Variants in CCDC88A observed in about 807,000 individuals in gnomAD.
The protein encoded by CCDC88A is girdin.
Under a neutral mutation model 234.3 loss-of-function variants are expected in CCDC88A, and 54 were observed. The ratio of observed to expected loss-of-function variants is 0.23; its 90% CI spans 0.19 to 0.29. CCDC88A has a LOEUF of 0.29. CCDC88A is among the 10% of genes least tolerant of loss of function. The pLI is 1.00. For synonymous variants in CCDC88A, 753 were observed against 737.8 expected, an observed-to-expected ratio of 1.02 and a Z score of -0.33; for missense variants, 1,832 against 2,123.4, an observed-to-expected ratio of 0.86 and a Z score of 2.70.
At chr2:55,356,679 C>T (rs1479838228) in intron 7 of CCDC88A, 1 of 152,184 alleles carries the variant, frequency 6.6e-6, no homozygotes, top group Non-Finnish European at 1.5e-5. Flanking sequence ...CCTGTAATCC[C>T]AGCACTTAGG....
rs759137912 is a variant in CCDC88A at position 55,334,329 on chromosome 2, T to A, written c.2492A>T (p.Lys831Met). ...EQETSQLEKD[K>M]KQLEKENKRL... ...CTTATTTTCCTTCTCCAATTGTTTC[T>A]TATCCTTTTCCAGTTGAGAAGTCTC... is the stretch of plus-strand genomic sequence containing the variant. Residue 831 changes from lysine (K) to methionine (M), a missense_variant, in exon 15 of 33, where the codon AAG becomes ATG. Physicochemically the swap from Lys to Met is moderately conservative, Grantham distance 95. This residue lies in a region of CCDC88A where 1,282 missense variants were observed against 1,543.6 expected (regional missense o/e 0.83). Transcript: ENST00000436346. The surrounding 1 kb of genome is among the most constrained non-coding windows in gnomAD (Gnocchi z 6.1). 2.0e-6 allele frequency: 3 copies of A among 1,513,798 alleles called. No homozygotes were observed. The highest frequency in any genetic ancestry group is 2.6e-6 in the Non-Finnish European group (3 of 1,138,676). 93.8% of individuals were successfully genotyped at this position (1,513,798 alleles called of 1,614,324 possible). A position where few individuals can be genotyped will look rare whatever the true frequency, so the allele number is the denominator to read the frequency against.
At chr2:55,390,368 C>T (rs1187061868) in intron 2 of CCDC88A, among the ~76,000 whole-genome samples, 1 of 152,178 alleles carries the variant, frequency 6.6e-6, no homozygotes, top group East Asian at 1.9e-4. Context: ...CTGAGAACCA[C>T]TGCTTCAACT....
chr2:55,320,584 T>A (rs1292699099), intron 18 of CCDC88A, among the ~76,000 whole-genome samples: 10 of 152,172 alleles, frequency 6.6e-5, no homozygotes, highest in African/African-American at 2.2e-4. Context: ...AGCTCAATTT[T>A]CTAAAATGTA....
chr2:55,416,427 AATAAATAAATAAATAAATATATATAT>A lies in CCDC88A; in HGVS notation c.164+2363_164+2388del, dbSNP rs1171944122. On this transcript the variant is annotated intron_variant, in intron 2 of 32. Transcript: ENST00000436346. ...GACTTCCAAAAGGGTGAAGAGGTCA[AATAAATAAATAAATAAATATATATAT>A]ATATATATATATATATATATATATA... Among the ~76,000 whole-genome samples, 380 of 43,762 alleles carry A rather than the reference AATAAATAAATAAATAAATATATATAT, an allele frequency of 8.7e-3. 36 individuals carry two copies. The highest frequency in any genetic ancestry group is 0.016 in the Admixed American group (39 of 2,476). The allele number at this position is 43,762 out of a possible 152,430, so 28.7% of individuals were successfully genotyped here.
Position 55,302,451 on chromosome 2 carries a change from C to A in CCDC88A, c.4472-379G>T, listed in dbSNP as rs575128132. 7.2e-5 allele frequency among the ~76,000 whole-genome samples: 11 copies of A among 152,224 alleles called. No homozygotes were observed. The East Asian group carries it at 2.1e-3, about 29-fold the overall frequency. ...AAGATGGAGAGCAGTTCTTATATAG[C>A]ATCATTATTGAAAATGAAAGTCCTT... On this transcript the variant is annotated intron_variant, in intron 26 of 32. Coordinates refer to ENST00000436346, the MANE Select transcript of CCDC88A (RefSeq NM_001365480.1).
chr2:55,325,810 G>A (rs1684192192), intron 17 of CCDC88A, among the ~76,000 whole-genome samples: 1 of 152,048 alleles, frequency 6.6e-6, no homozygotes, highest in Admixed American at 6.6e-5. Flanking sequence ...TCTGTTATTA[G>A]GTGCATAAAC....
chr2:55,398,026 A>T (rs1677914933), intron 2 of CCDC88A, among the ~76,000 whole-genome samples: 1 of 152,182 alleles, frequency 6.6e-6, no homozygotes, highest in Non-Finnish European at 1.5e-5. Flanking sequence ...TGAAAAATAA[A>T]ATTTAAATAT....
intron 26 of CCDC88A, 63 bp from the exon 27 acceptor site, chr2:55,302,135 T>C: frequency 7.5e-7 from 1 of 1,338,498 alleles, no homozygotes. Context: ...ATTTCTATTT[T>C]GTAGTACAAA....
Position 55,309,904 on chromosome 2 carries a change from G to T in CCDC88A, c.4080-650C>A, listed in dbSNP as rs1682118760. ...TTAATATAATAACATATAATATTGT[G>T]TGTGTGTATATATATAAAATGACTA... On this transcript the variant is annotated intron_variant, in intron 23 of 32. Transcript: ENST00000436346. This position sits in a 1 kb window ranked among gnomAD's most constrained non-coding sequence, Gnocchi z 5.1. Among the ~76,000 whole-genome samples the T allele has an allele frequency of 6.6e-6, 1 of 152,116 alleles. No individual in the cohort carries two copies. The highest frequency in any genetic ancestry group is 1.5e-5 in the Non-Finnish European group (1 of 68,004).
rs1463964668 is a variant in CCDC88A at position 55,328,789 on chromosome 2, A to T, written c.2856-354T>A. 1 of 159,370 alleles carries T rather than the reference A, an allele frequency of 6.3e-6. No individual in the cohort carries two copies. Among genetic ancestry groups the T allele is most frequent in the Non-Finnish European group, 1.3e-5 (1 of 74,664 alleles). 9.9% of individuals were successfully genotyped at this position (159,370 alleles called of 1,614,324 possible). On this transcript the variant is annotated intron_variant, in intron 16 of 32. Transcript: ENST00000436346. The surrounding 1 kb of genome is among the most constrained non-coding windows in gnomAD (Gnocchi z 4.3). The stretch of plus-strand genomic sequence containing the variant: ...TTTTGTTTTGTTTTGTTTTGTTTTG[A>T]GATGGAGTTTTGCTCTTGTAGCCCA...
chr2:55,419,082 T>C lies in CCDC88A; in HGVS notation c.-3A>G, dbSNP rs1222248659. On this transcript the variant is annotated 5_prime_UTR_variant, in exon 1 of 33. Transcript: ENST00000436346. ...GGAGTAAAAATTTCGTTCTCCATTT[T>C]ACAGAGTATGTATTTGAAAAAAGGA... is the stretch of plus-strand genomic sequence containing the variant. The C allele has an allele frequency of 3.7e-6, 6 of 1,601,376 alleles. No individual in the cohort carries two copies. In the South Asian group the frequency reaches 4.4e-5, roughly 12 times the overall value.
At chr2:55,374,446 T>C (rs766659009) in intron 4 of CCDC88A, among the ~76,000 whole-genome samples, 2 of 152,196 alleles carry the variant, frequency 1.3e-5, no homozygotes, top group African/African-American at 4.8e-5. Context: ...TGGTAGATAG[T>C]AGATATATGA....
chr2:55,332,862 T>C lies in CCDC88A; in HGVS notation c.2728-169A>G, dbSNP rs1685080020. Among the ~76,000 whole-genome samples the C allele has an allele frequency of 6.6e-6, 1 of 152,224 alleles. No homozygotes were observed. The highest frequency in any genetic ancestry group is 2.4e-5 in the African/African-American group (1 of 41,454). ...AAATGTAGTTAAAGTTATAACCTAG[T>C]TGAAATAACTTTTTTCCTTTTTTTT... is the stretch of plus-strand genomic sequence containing the variant. On this transcript the variant is annotated intron_variant, in intron 15 of 32. Coordinates refer to ENST00000436346, the MANE Select transcript of CCDC88A (RefSeq NM_001365480.1). The surrounding 1 kb of genome is among the most constrained non-coding windows in gnomAD (Gnocchi z 4.5).
intron 3 of CCDC88A, among the ~76,000 whole-genome samples, chr2:55,383,850 A>C (rs1675015581): frequency 6.6e-6 from 1 of 152,098 alleles, no homozygotes; most frequent in African/African-American, 2.4e-5. Flanking sequence ...CACCCTCTCT[A>C]ATATAATAAG....
chr2:55,341,433 C>CAGAATTTCATTCTTTTTATGACT (rs1574187017), intron 12 of CCDC88A, among the ~76,000 whole-genome samples: 1 of 119,584 alleles, frequency 8.4e-6, no homozygotes, highest in Non-Finnish European at 1.7e-5. Context: ...CCACCATGCC[C>CAGAATTTCATTCTTTTTATGACT]GGCACTCCCC....
In CCDC88A at chr2:55,288,249, A is replaced by G. The variant is rs1450866973; in HGVS notation, c.*2951T>C. 2.6e-5 allele frequency: 4 copies of G among 152,634 alleles called. No homozygotes were observed. Among genetic ancestry groups the G allele is most frequent in the Middle Eastern group, 3.2e-3 (1 of 316 alleles). 9.5% of individuals were successfully genotyped at this position (152,634 alleles called of 1,614,324 possible). On this transcript the variant is annotated 3_prime_UTR_variant, in exon 33 of 33. Coordinates refer to ENST00000436346, the MANE Select transcript of CCDC88A (RefSeq NM_001365480.1). ...TATGCATTCCTTTTAAGGCATTTTC[A>G]TTGTCCAAATATCTCAACATGTACA...
At chr2:55,378,719 G>A (rs1674092721) in intron 3 of CCDC88A, among the ~76,000 whole-genome samples, 1 of 151,510 alleles carries the variant, frequency 6.6e-6, no homozygotes, top group Non-Finnish European at 1.5e-5. Context: ...TTCTTCAGAG[G>A]ATTTTTTATA....
chr2:55,364,582 T>C (rs1671721549), intron 5 of CCDC88A, among the ~76,000 whole-genome samples: 1 of 152,112 alleles, frequency 6.6e-6, no homozygotes. Context: ...TCAACATTTA[T>C]AACATAATCT....
chr2:55,416,206 G>A (rs1024809100), intron 2 of CCDC88A, among the ~76,000 whole-genome samples: 3 of 151,490 alleles, frequency 2.0e-5, no homozygotes, highest in Non-Finnish European at 4.4e-5. Context: ...TTCTAAAGAT[G>A]AAGTTATAAT....
Sources: gnomAD v4.1 joint callset for allele counts (sites outside exome capture counted in the v4.1 genomes callset) on GRCh38, gnomAD v4.1.1 for gene constraint, gnomAD v4.1.1 regional missense constraint, Gnocchi (gnomAD v3.1) non-coding constraint, MANE v1.5 for transcripts, NCBI Gene and HGNC (gene_info 2026-07-23, HGNC 2026-07-21) for gene names.